Variants in KMO observed in about 807,000 individuals in gnomAD.
KMO encodes the protein kynurenine 3-hydroxylase.
A neutral mutation model predicts 57.8 loss-of-function variants in KMO; 24 were observed. The ratio of observed to expected loss-of-function variants is 0.42; its 90% confidence interval spans 0.30 to 0.58. KMO has a LOEUF of 0.58. Among genes scored for constraint, KMO ranks in the 20% least tolerant of loss-of-function variants. The pLI is 0.22. For missense variants in KMO, 483 were observed against 588.2 expected, an observed-to-expected ratio of 0.82 and a Z score of 1.85; for synonymous variants, 210 against 193.6, an observed-to-expected ratio of 1.08 and a Z score of -0.70.
In KMO at chr1:241,592,144, T is replaced by C. The variant is rs1012588316; in HGVS notation, c.1452T>C (p.Ile484=). 1 of 1,613,004 alleles carries C rather than the reference T, an allele frequency of 6.2e-7. No individual in the cohort carries two copies. The highest frequency in any genetic ancestry group is 1.3e-5 in the African/African-American group (1 of 75,002). ...VDSLEQISNL[I]SR ...CCCTAGAACAAATTTCCAATCTCAT[T>C]AGCAGGTGATAGAAAGGTTTTGTGG... The change falls in exon 15 of 15, where the codon ATT becomes ATC. Residue 484 remains isoleucine, a synonymous_variant. Transcript: ENST00000366559.
chr1:241,564,061 G>A (rs903867160), intron 7 of KMO, among the ~76,000 whole-genome samples: 1 of 152,018 alleles, frequency 6.6e-6, no homozygotes, highest in African/African-American at 2.4e-5. Flanking sequence ...TCTGTGTGTT[G>A]GGCTTTCTTT....
rs936572017 is a variant in KMO, at chr1:241,580,751, T to C, written c.958-5928T>C. On this transcript the variant is annotated intron_variant, in intron 10 of 14. Transcript: ENST00000366559. The stretch of plus-strand genomic sequence containing the variant: ...TCAATTTTTAAAAATTTTTTGAGAT[T>C]TTTTTTGTGACCTAACATACAACCT... Among the ~76,000 whole-genome samples, 5 of 152,202 alleles carry C rather than the reference T, an allele frequency of 3.3e-5. No homozygotes were observed. In the East Asian group the frequency reaches 9.6e-4, roughly 29 times the overall value.
Position 241,590,233 on chromosome 1 carries a change from G to A in KMO, c.1230G>A (p.Glu410=), listed in dbSNP as rs752117750. The A allele has an allele frequency of 8.1e-6, 13 of 1,613,724 alleles. No individual in the cohort carries two copies. Among genetic ancestry groups the A allele is most frequent in the African/African-American group, 1.3e-5 (1 of 74,882 alleles). Residue 410 remains glutamate (E), a synonymous_variant, in exon 14 of 15, where the codon GAG becomes GAA. Coordinates refer to ENST00000366559, the MANE Select transcript of KMO (RefSeq NM_003679.5). ...MVTFSRIRYH[E]AVQRWHWQKK... The stretch of plus-strand genomic sequence containing the variant: ...CTTTTTCCAGAATAAGATACCATGA[G>A]GCTGTGCAGCGTTGGCATTGGCAAA...
At chr1:241,536,660 A>G (rs1660764587) in intron 1 of KMO, 2 of 206,492 alleles carry the variant, frequency 9.7e-6, no homozygotes, top group Admixed American at 1.3e-4. Flanking sequence ...GTATTTTAGG[A>G]TATCATTCAA....
intron 1 of KMO, among the ~76,000 whole-genome samples, chr1:241,542,028 G>A (rs1301188997): frequency 6.6e-6 from 1 of 152,134 alleles, no homozygotes; most frequent in Non-Finnish European, 1.5e-5. Flanking sequence ...TATATCAAAA[G>A]ACATAAAATG....
chr1:241,575,058 G>T (rs182896540), intron 10 of KMO, among the ~76,000 whole-genome samples: 138 of 151,868 alleles, frequency 9.1e-4, no homozygotes, highest in Non-Finnish European at 1.7e-3. Flanking sequence ...TATGCAAAAA[G>T]GTGTTCCTAG....
chr1:241,546,018 T>C (rs1013060943), intron 1 of KMO, among the ~76,000 whole-genome samples: 1 of 151,970 alleles, frequency 6.6e-6, no homozygotes, highest in Non-Finnish European at 1.5e-5. Context: ...GGTGATGTCA[T>C]TTTTTTTCCA....
At chr1:241,538,470 G>A (rs570672956) in intron 1 of KMO, among the ~76,000 whole-genome samples, 56 of 152,296 alleles carry the variant, frequency 3.7e-4, no homozygotes, top group Middle Eastern at 6.8e-3. Flanking sequence ...TGACATACAT[G>A]CCAGAGACGT....
At chr1:241,554,612 A>G (rs1403411061) in intron 4 of KMO, among the ~76,000 whole-genome samples, 1 of 151,554 alleles carries the variant, frequency 6.6e-6, no homozygotes, top group Non-Finnish European at 1.5e-5. Flanking sequence ...CTAAAATCAA[A>G]ACATTTTTAC....
intron 8 of KMO, among the ~76,000 whole-genome samples, chr1:241,565,781 T>A (rs1005510338): frequency 2.0e-5 from 3 of 152,074 alleles, no homozygotes; most frequent in African/African-American, 7.2e-5. Context: ...TTTTCCTAGG[T>A]AGATATAGCT....
At chr1:241,580,907 T>C (rs1339002944) in intron 10 of KMO, among the ~76,000 whole-genome samples, 2 of 151,246 alleles carry the variant, frequency 1.3e-5, no homozygotes, top group Non-Finnish European at 3.0e-5. Flanking sequence ...TGATGATCTG[T>C]CCAAAGGTGA....
chr1:241,570,732 G>T (rs1263059858), intron 10 of KMO, among the ~76,000 whole-genome samples: 1 of 152,044 alleles, frequency 6.6e-6, no homozygotes, highest in Non-Finnish European at 1.5e-5. Context: ...CTCCAGTTTT[G>T]TTCTTTTTGC....
Position 241,588,792 on chromosome 1 carries a change from C to T in KMO, c.1060C>T (p.His354Tyr). The change falls in exon 12 of 15, where the codon CAC becomes TAC. Residue 354 changes from histidine (H) to tyrosine (Y), a missense_variant. His to Tyr is a moderately conservative substitution (Grantham distance 83). Around this residue, in one of 3 missense-constraint regions of KMO, gnomAD observed 410 missense variants for 492.3 expected, o/e 0.83. Transcript: ENST00000366559. ...CTCAAGATTGAGAATCCCAGATGAT[C>T]ACGCGATTTCAGACCTATCCATGTA... is the stretch of plus-strand genomic sequence containing the variant. ...VFSRLRIPDD[H>Y]AISDLSMYNY... 3 of 1,613,482 alleles carry T rather than the reference C, an allele frequency of 1.9e-6. No individual in the cohort carries two copies. Among genetic ancestry groups the T allele is most frequent in the Admixed American group, 1.7e-5 (1 of 60,014 alleles).
rs752879755 is a variant in KMO, at chr1:241,588,760, C to A, written c.1028C>A (p.Pro343His). 3.7e-6 allele frequency: 6 copies of A among 1,612,432 alleles called. No individual in the cohort carries two copies. In the East Asian group the frequency reaches 1.3e-4, roughly 36 times the overall value. Residue 343 changes from proline (P) to histidine (H), a missense_variant, in exon 12 of 15, where the codon CCT (proline) becomes CAT (histidine). By Grantham distance (77) the Pro-to-His change is moderately conservative (BLOSUM62 -2). Coordinates refer to ENST00000366559, the MANE Select transcript of KMO (RefSeq NM_003679.5). ...KFSNDLSLCL[P>H]VFSRLRIPDD... ...ATTTAACTTACAGGTTTGTGTCTTCCTGTGTTCTCAAGATTGAGAATCCCA... is the reference window on the plus strand; with the variant it reads ...ATTTAACTTACAGGTTTGTGTCTTCATGTGTTCTCAAGATTGAGAATCCCA...
chr1:241,569,105 A>G (rs1456144690), intron 10 of KMO, among the ~76,000 whole-genome samples: 1 of 152,144 alleles, frequency 6.6e-6, no homozygotes, highest in African/African-American at 2.4e-5. Context: ...TACAATGTAT[A>G]TGACCATATC....
chr1:241,555,366 A>T (rs1258822854), intron 4 of KMO, among the ~76,000 whole-genome samples: 1 of 152,228 alleles, frequency 6.6e-6, no homozygotes, highest in Non-Finnish European at 1.5e-5. Context: ...CAAGAGAAGG[A>T]TTTGATTTTT....
chr1:241,555,291 A>C (rs1661570891), intron 4 of KMO, among the ~76,000 whole-genome samples: 1 of 152,236 alleles, frequency 6.6e-6, no homozygotes, highest in African/African-American at 2.4e-5. Context: ...ACCTAAGCTG[A>C]AAATATTACA....
At chr1:241,559,519 G>T (rs1661761284) in intron 5 of KMO, among the ~76,000 whole-genome samples, 1 of 152,056 alleles carries the variant, frequency 6.6e-6, no homozygotes, top group South Asian at 2.1e-4. Flanking sequence ...GGTCAATTCT[G>T]ATTACTTCAA....
At chr1:241,576,448 C>T (rs1558427155) in intron 10 of KMO, among the ~76,000 whole-genome samples, 1 of 152,024 alleles carries the variant, frequency 6.6e-6, no homozygotes, top group Non-Finnish European at 1.5e-5. Flanking sequence ...TCTTGTAAGG[C>T]TCATTAGGTA....
Sources: gnomAD v4.1 joint callset for allele counts (sites outside exome capture counted in the v4.1 genomes callset) on GRCh38, gnomAD v4.1.1 for gene constraint, gnomAD v4.1.1 regional missense constraint, MANE v1.5 for transcripts, NCBI Gene and HGNC (gene_info 2026-07-23, HGNC 2026-07-21) for gene names.